The following RBM33 variants were observed in gnomAD, a reference collection of about 807,000 sequenced individuals.
RBM33 encodes RNA binding motif protein 33.
Under a neutral mutation model 132.6 loss-of-function variants are expected in RBM33, and 28 were observed. The observed-to-expected ratio is 0.21, with a 90% CI of 0.16 to 0.29. RBM33 has a LOEUF of 0.29. Among genes scored for constraint, RBM33 ranks in the 10% least tolerant of loss-of-function variants. RBM33 has a pLI of 1.00. For synonymous variants in RBM33, 634 were observed against 593.0 expected (o/e 1.07, Z -1.01); for missense variants, 1,291 against 1,518.5 (o/e 0.85, Z 2.49).
At chr7:155,739,121 AT>A (rs1801231670) in intron 11 of RBM33, 1 of 152,198 alleles carries the variant, frequency 6.6e-6, no homozygotes, top group South Asian at 2.1e-4. Flanking sequence ...GTTTTTAAGA[AT>A]TTTTCTTTTT....
chr7:155,680,903 T>C lies in RBM33; in HGVS notation c.562T>C (p.Phe188Leu). The change falls in exon 5 of 18, where the codon TTT becomes CTT. Residue 188 changes from phenylalanine to leucine, a missense_variant. Physicochemically the swap from Phe to Leu is conservative, Grantham distance 22 (BLOSUM62 0). Around this residue, in one of 7 missense-constraint regions of RBM33, gnomAD observed 194 missense variants for 249.8 expected, o/e 0.78. Coordinates refer to ENST00000401878, the MANE Select transcript of RBM33 (RefSeq NM_053043.3). ...DIEINEPLDE[F>L]TGGMETLELQ... Reference sequence around the variant, plus strand: ...CGAGATCAATGAACCTTTAGATGAATTTACAGTGAGTCTTTTCTCCTTTGT... The same window carrying C: ...CGAGATCAATGAACCTTTAGATGAACTTACAGTGAGTCTTTTCTCCTTTGT... 2 of 1,612,054 alleles carry C rather than the reference T, an allele frequency of 1.2e-6. No homozygotes were observed. The highest frequency in any genetic ancestry group is 1.7e-6 in the Non-Finnish European group (2 of 1,178,664).
Position 155,666,196 on chromosome 7 carries a change from A to G in RBM33, c.122+943A>G, listed in dbSNP as rs144094744. Among the ~76,000 whole-genome samples the G allele has an allele frequency of 9.1e-3, 1,385 of 152,314 alleles. 10 individuals are homozygous for G. Among genetic ancestry groups the G allele is most frequent in the Non-Finnish European group, 0.014 (945 of 68,036 alleles). On this transcript the variant is annotated intron_variant, in intron 2 of 17. Coordinates refer to ENST00000401878, the MANE Select transcript of RBM33 (RefSeq NM_053043.3). ...AGTTACACGGTCTGTAGAATGGTGTAGTTCCAGTCTGAGCCCAGTGTTCTG... is the reference window on the plus strand; with the variant it reads ...AGTTACACGGTCTGTAGAATGGTGTGGTTCCAGTCTGAGCCCAGTGTTCTG...
Position 155,780,779 on chromosome 7 carries a change from A to ACCTCT in RBM33, c.*5740_*5741insTCTCC, listed in dbSNP as rs1459091022. 0.013 allele frequency: 1,842 copies of ACCTCT among 138,976 alleles called. 14 individuals carry two copies. Among genetic ancestry groups the ACCTCT allele is most frequent in the Non-Finnish European group, 0.02 (1,259 of 63,074 alleles). 8.6% of individuals were successfully genotyped at this position (138,976 alleles called of 1,614,324 possible). A position where few individuals can be genotyped will look rare whatever the true frequency, so the allele number is the denominator to read the frequency against. On this transcript the variant is annotated 3_prime_UTR_variant, in exon 18 of 18. Transcript: ENST00000401878. Reference sequence around the variant, plus strand: ...TGCTGACGATTTTCACACTGTGTTTACCACTCCATCACCTCTCAACCTTTG... The same window carrying ACCTCT: ...TGCTGACGATTTTCACACTGTGTTTACCTCTCCACTCCATCACCTCTCAACCTTTG...
chr7:155,773,669 ACCAGACT>A (rs1802511882), intron 16 of RBM33, among the ~76,000 whole-genome samples: 2 of 151,302 alleles, frequency 1.3e-5, no homozygotes, highest in South Asian at 4.2e-4. Context: ...ATTGAGAAGA[ACCAGACT>A]CTAGAGCTTT....
chr7:155,769,868 A>G lies in RBM33; in HGVS notation c.3375+3213A>G, dbSNP rs144740198. Among the ~76,000 whole-genome samples, 373 of 152,348 alleles carry G rather than the reference A, an allele frequency of 2.4e-3. 5 individuals carry two copies. In the East Asian group the frequency reaches 0.032, roughly 13 times the overall value. ...TTAAAGAACAGATGTGTGTGGGCAC[A>G]TGATGGGAAGCCACAACGGAAAAGC... On this transcript the variant is annotated intron_variant, in intron 16 of 17. Transcript: ENST00000401878.
At chr7:155,715,006 G>A (rs543941040) in intron 8 of RBM33, among the ~76,000 whole-genome samples, 7 of 152,246 alleles carry the variant, frequency 4.6e-5, no homozygotes, top group African/African-American at 1.7e-4. Context: ...AGGTTTTAAA[G>A]TACAATTAAC....
At position 155,745,371 on chromosome 7, in the gene RBM33, C is replaced by T; in HGVS notation, c.2748C>T (p.Thr916=). ...AAGCACTGAAACATTTGAGACAGACCAGAACAGTTCCTCAAAGTCAGACTC... is the reference window on the plus strand; with the variant it reads ...AAGCACTGAAACATTTGAGACAGACTAGAACAGTTCCTCAAAGTCAGACTC... ...QMKALKHLRQ[T]RTVPQSQTQP... Residue 916 remains threonine (T), a synonymous_variant, in exon 14 of 18, where the codon ACC becomes ACT. Transcript: ENST00000401878. The surrounding 1 kb of genome is among the most constrained non-coding windows in gnomAD (Gnocchi z 4.1). 2 of 1,613,192 alleles carry T rather than the reference C, an allele frequency of 1.2e-6. No homozygotes were observed. Among genetic ancestry groups the T allele is most frequent in the Non-Finnish European group, 1.7e-6 (2 of 1,179,530 alleles).
At chr7:155,752,892 C>G (rs1802055705) in intron 14 of RBM33, among the ~76,000 whole-genome samples, 1 of 152,130 alleles carries the variant, frequency 6.6e-6, no homozygotes, top group Non-Finnish European at 1.5e-5. Flanking sequence ...CTTCTGCAGC[C>G]CGATCTTCTC....
chr7:155,649,139 C>G (rs1798287311), intron 1 of RBM33, among the ~76,000 whole-genome samples: 1 of 152,144 alleles, frequency 6.6e-6, no homozygotes, highest in African/African-American at 2.4e-5. Flanking sequence ...TAGATTGGTA[C>G]TTTTAATGAT....
rs912215547 is a variant in RBM33 at position 155,776,478 on chromosome 7, G to A, written c.*1437G>A. 1 of 152,210 alleles carries A rather than the reference G, an allele frequency of 6.6e-6. No individual in the cohort carries two copies. Among genetic ancestry groups the A allele is most frequent in the African/African-American group, 2.4e-5 (1 of 41,434 alleles). 9.4% of individuals were successfully genotyped at this position (152,210 alleles called of 1,614,324 possible). On this transcript the variant is annotated 3_prime_UTR_variant, in exon 18 of 18. Transcript: ENST00000401878. The surrounding 1 kb of genome is among the most constrained non-coding windows in gnomAD (Gnocchi z 4.0). ...CTTGCGTCATCTCGTTTCCACAGTT[G>A]ACGTTTTATATTACTTTCTCAAATT... is the stretch of plus-strand genomic sequence containing the variant.
rs565238597 is a variant in RBM33, at chr7:155,741,697, C to T, written c.2050-122C>T. 4.4e-5 allele frequency: 41 copies of T among 939,860 alleles called. 1 individual carries two copies. The South Asian group carries it at 6.4e-4, about 15-fold the overall frequency. 58.2% of individuals were successfully genotyped at this position (939,860 alleles called of 1,614,324 possible). A position where few individuals can be genotyped will look rare whatever the true frequency, so the allele number is the denominator to read the frequency against. On this transcript the variant is annotated intron_variant, in intron 12 of 17. Transcript: ENST00000401878. Reference sequence around the variant, plus strand: ...AAGTATGAGAAAAAAGTATCTGCTCCCCAAAAGAAGTCATTTACTAATTAG... The same window carrying T: ...AAGTATGAGAAAAAAGTATCTGCTCTCCAAAAGAAGTCATTTACTAATTAG...
chr7:155,751,501 C>G (rs1352272609), intron 14 of RBM33, among the ~76,000 whole-genome samples: 1 of 152,232 alleles, frequency 6.6e-6, no homozygotes, highest in Non-Finnish European at 1.5e-5. Flanking sequence ...CAGGATCATG[C>G]ATTATATTCA....
intron 13 of RBM33, 58 bp downstream of exon 13, chr7:155,742,164 C>T: frequency 6.8e-7 from 1 of 1,469,512 alleles, no homozygotes; most frequent in Non-Finnish European, 9.2e-7. Flanking sequence ...TTAGAATCAA[C>T]TTGGATGTCT....
rs769796884 is a variant in RBM33, at chr7:155,711,316, C to T, written c.1062C>T (p.Ser354=). ...LLPVQHPHHP[S]PPQGMHMPPQ... ...CGGTGCAGCACCCGCACCACCCATC[C>T]CCGCCTCAGGGAATGCACATGCCTC... The change falls in exon 8 of 18, where the codon TCC becomes TCT. Residue 354 remains serine (S), a synonymous_variant. Coordinates refer to ENST00000401878, the MANE Select transcript of RBM33 (RefSeq NM_053043.3). 4 of 1,606,914 alleles carry T rather than the reference C, an allele frequency of 2.5e-6. No individual in the cohort carries two copies. In the East Asian group the frequency reaches 6.8e-5, roughly 27 times the overall value.
rs1353431217 is a variant in RBM33, at chr7:155,745,953, A to G, written c.2979+351A>G. Among the ~76,000 whole-genome samples the G allele has an allele frequency of 6.6e-6, 1 of 152,168 alleles. No homozygotes were observed. The highest frequency in any genetic ancestry group is 1.5e-5 in the Non-Finnish European group (1 of 68,048). ...GCTGAATACTATAGGCAGTTGTCAC[A>G]CAATGATGAGTAGTTGTGTGTCGAA... On this transcript the variant is annotated intron_variant, in intron 14 of 17. Coordinates refer to ENST00000401878, the MANE Select transcript of RBM33 (RefSeq NM_053043.3). The surrounding 1 kb of genome is among the most constrained non-coding windows in gnomAD (Gnocchi z 4.1).
At chr7:155,685,732 A>G (rs1007247165) in intron 5 of RBM33, among the ~76,000 whole-genome samples, 1 of 152,242 alleles carries the variant, frequency 6.6e-6, no homozygotes, top group Non-Finnish European at 1.5e-5. Flanking sequence ...CTCTTACCCC[A>G]GAACTAGCTG....
intron 5 of RBM33, among the ~76,000 whole-genome samples, chr7:155,684,565 T>C (rs1197626972): frequency 6.6e-6 from 1 of 152,070 alleles, no homozygotes; most frequent in Non-Finnish European, 1.5e-5. Context: ...AAAAATAGAG[T>C]TGGGCATGAT....
intron 1 of RBM33, among the ~76,000 whole-genome samples, chr7:155,645,806 A>AGT (rs1469981834): frequency 6.6e-5 from 10 of 152,244 alleles, no homozygotes; most frequent in African/African-American, 2.4e-4. Flanking sequence ...AAGCCAGTCT[A>AGT]GTGTATACTC....
chr7:155,730,439 A>G (rs557040367), intron 9 of RBM33, among the ~76,000 whole-genome samples: 3 of 152,356 alleles, frequency 2.0e-5, no homozygotes, highest in East Asian at 3.9e-4. Context: ...AATGATAACG[A>G]CATGTATGGT....
Sources: gnomAD v4.1 joint callset for allele counts (sites outside exome capture counted in the v4.1 genomes callset) on GRCh38, gnomAD v4.1.1 for gene constraint, gnomAD v4.1.1 regional missense constraint, Gnocchi (gnomAD v3.1) non-coding constraint, MANE v1.5 for transcripts, NCBI Gene and HGNC (gene_info 2026-07-23, HGNC 2026-07-21) for gene names.